The following PRKG1 variants were observed in gnomAD, a reference collection of about 807,000 sequenced individuals.
The protein encoded by PRKG1 is cGMP-dependent protein kinase 1.
A neutral mutation model predicts 88.1 loss-of-function variants in PRKG1; 35 were observed. The ratio of observed to expected loss-of-function variants is 0.40; its 90% CI spans 0.30 to 0.53. PRKG1 has a LOEUF of 0.53. PRKG1 is among the 20% of genes least tolerant of loss of function. The pLI is 0.59. For synonymous variants in PRKG1, 303 were observed against 292.5 expected (o/e 1.04, Z -0.37); for missense variants, 540 against 839.8 (o/e 0.64, Z 4.41).
intron 5 of PRKG1, among the ~76,000 whole-genome samples, chr10:52,035,716 G>A (rs182448131): frequency 0.014 from 2,157 of 152,124 alleles, 44 homozygotes; most frequent in African/African-American, 0.048. Flanking sequence ...TGAAGGAGCC[G>A]GGGAGCAGAA....
At chr10:51,439,518 G>A (rs909609901) in intron 2 of PRKG1, among the ~76,000 whole-genome samples, 1 of 151,790 alleles carries the variant, frequency 6.6e-6, no homozygotes, top group Non-Finnish European at 1.5e-5. Flanking sequence ...GCAGCAAATG[G>A]AAAACTCCTT....
At chr10:52,215,791 A>G (rs544794242) in intron 9 of PRKG1, among the ~76,000 whole-genome samples, 1 of 152,312 alleles carries the variant, frequency 6.6e-6, no homozygotes, top group African/African-American at 2.4e-5. Flanking sequence ...AACTGACAAG[A>G]GGTAGATGAT....
chr10:51,089,764 G>A (rs568775629), intron 1 of PRKG1, among the ~76,000 whole-genome samples: 63 of 152,158 alleles, frequency 4.1e-4, no homozygotes, highest in Non-Finnish European at 7.5e-4. Flanking sequence ...AATAATGGAG[G>A]ACAGATCATC....
chr10:51,973,355 A>G (rs921785160), intron 5 of PRKG1, among the ~76,000 whole-genome samples: 2 of 151,956 alleles, frequency 1.3e-5, no homozygotes, highest in Non-Finnish European at 2.9e-5. Context: ...ACCATCCTTT[A>G]CTCTTGTAAA....
chr10:51,838,106 A>T (rs1029570635), intron 4 of PRKG1, among the ~76,000 whole-genome samples: 1 of 152,204 alleles, frequency 6.6e-6, no homozygotes, highest in Non-Finnish European at 1.5e-5. Context: ...GTAATAGTTT[A>T]AAACACTTAT....
rs190227598 is a variant in PRKG1 at position 52,191,549 on chromosome 10, G to A, written c.1076+29586G>A. 2.2e-4 allele frequency among the ~76,000 whole-genome samples: 34 copies of A among 152,112 alleles called. No individual in the cohort carries two copies. In the East Asian group the frequency reaches 5.6e-3, roughly 25 times the overall value. Reference sequence around the variant, plus strand: ...ATCCTATTGCTTTTTAATCATCTACGTTCCTCTTGATAGCCTTTGTAAAGG... The same window carrying A: ...ATCCTATTGCTTTTTAATCATCTACATTCCTCTTGATAGCCTTTGTAAAGG... On this transcript the variant is annotated intron_variant, in intron 9 of 17. Transcript: ENST00000373980.
At chr10:51,267,933 C>T (rs1839878016) in intron 2 of PRKG1, among the ~76,000 whole-genome samples, 1 of 152,120 alleles carries the variant, frequency 6.6e-6, no homozygotes, top group South Asian at 2.1e-4. Context: ...GGAAATTCAG[C>T]CAGATATCGG....
At chr10:51,636,773 A>G (rs1839666548) in intron 3 of PRKG1, among the ~76,000 whole-genome samples, 1 of 152,118 alleles carries the variant, frequency 6.6e-6, no homozygotes, top group Non-Finnish European at 1.5e-5. Flanking sequence ...TGTTACTTTT[A>G]ACTAATCAAT....
intron 2 of PRKG1, among the ~76,000 whole-genome samples, chr10:51,382,847 G>A (rs1013442748): frequency 6.6e-6 from 1 of 152,084 alleles, no homozygotes; most frequent in African/African-American, 2.4e-5. Context: ...GCTGCCAGTG[G>A]GTCTAGGGTG....
intron 3 of PRKG1, among the ~76,000 whole-genome samples, chr10:51,711,791 G>C (rs879108076): frequency 1.3e-5 from 2 of 152,308 alleles, no homozygotes; most frequent in Admixed American, 1.3e-4. Context: ...TTGGTGGAGA[G>C]TGTTTGAGCT....
At chr10:52,239,174 G>A (rs375955819) in intron 9 of PRKG1, among the ~76,000 whole-genome samples, 2,263 of 94,030 alleles carry the variant, frequency 0.024, 67 homozygotes, top group East Asian at 0.17. Context: ...ACTGTGGTGG[G>A]GTGGGGGGAG....
intron 8 of PRKG1, among the ~76,000 whole-genome samples, chr10:52,149,604 C>CGT (rs1837843933): frequency 6.6e-6 from 1 of 152,016 alleles, no homozygotes; most frequent in South Asian, 2.1e-4. Context: ...GTGAGGATGC[C>CGT]GTGAGTAGGG....
intron 9 of PRKG1, among the ~76,000 whole-genome samples, chr10:52,212,154 A>C (rs1839993691): frequency 6.6e-6 from 1 of 152,190 alleles, no homozygotes. Context: ...ACATTTATGG[A>C]CTGAAAAAGG....
chr10:52,168,253 A>G (rs984248710), intron 9 of PRKG1, among the ~76,000 whole-genome samples: 2 of 152,186 alleles, frequency 1.3e-5, no homozygotes, highest in African/African-American at 4.8e-5. Context: ...ATGTGGCCTG[A>G]ATTCTGAAGA....
At chr10:51,585,389 A>G (rs1209995904) in intron 3 of PRKG1, among the ~76,000 whole-genome samples, 3 of 152,154 alleles carry the variant, frequency 2.0e-5, no homozygotes, top group Non-Finnish European at 4.4e-5. Context: ...TGTTTCCCAT[A>G]TGACGTTACA....
chr10:51,983,171 G>A (rs1456803343), intron 5 of PRKG1, among the ~76,000 whole-genome samples: 3 of 152,246 alleles, frequency 2.0e-5, no homozygotes, highest in African/African-American at 4.8e-5. Flanking sequence ...CAGGCGTGGG[G>A]CTGGCTGGCT....
chr10:51,708,434 C>A (rs565717916), intron 3 of PRKG1, among the ~76,000 whole-genome samples: 15 of 152,224 alleles, frequency 9.9e-5, no homozygotes, highest in South Asian at 8.3e-4. Flanking sequence ...AATGCAGTAA[C>A]CTCTAGGAAA....
intron 2 of PRKG1, among the ~76,000 whole-genome samples, chr10:51,442,224 A>G (rs1839134567): frequency 6.6e-6 from 1 of 152,002 alleles, no homozygotes; most frequent in African/African-American, 2.4e-5. Flanking sequence ...TTTTTGAAAC[A>G]ATTCTTATTT....
chr10:52,106,436 A>C (rs1263393641), intron 7 of PRKG1, among the ~76,000 whole-genome samples: 2 of 151,990 alleles, frequency 1.3e-5, no homozygotes, highest in African/African-American at 4.8e-5. Context: ...TCCTCCAGAA[A>C]CTCACAGGTT....
Sources: gnomAD v4.1 joint callset for allele counts (sites outside exome capture counted in the v4.1 genomes callset) on GRCh38, gnomAD v4.1.1 for gene constraint, MANE v1.5 for transcripts, NCBI Gene and HGNC (gene_info 2026-07-23, HGNC 2026-07-21) for gene names.